Variants in ABLIM3 observed in about 807,000 individuals in gnomAD.
The protein encoded by ABLIM3 is actin binding LIM protein family member 3.
A neutral mutation model predicts 109.5 loss-of-function variants in ABLIM3; 61 were observed. The observed-to-expected ratio is 0.56, with a 90% confidence interval of 0.45 to 0.69. ABLIM3 has a LOEUF of 0.69. ABLIM3 is among the 30% of genes least tolerant of loss of function. The pLI is 0.00. For synonymous variants in ABLIM3, 300 were observed against 324.8 expected (o/e 0.92, Z 0.82); for missense variants, 796 against 889.5 (o/e 0.89, Z 1.34).
At chr5:149,175,372 C>T (rs1755831351) in intron 2 of ABLIM3, among the ~76,000 whole-genome samples, 3 of 152,128 alleles carry the variant, frequency 2.0e-5, no homozygotes, top group African/African-American at 7.2e-5. Flanking sequence ...AATCCTGTCC[C>T]TTTAGAAGAA....
At chr5:149,174,713 G>C (rs1755765660) in intron 2 of ABLIM3, 1 of 152,192 alleles carries the variant, frequency 6.6e-6, no homozygotes, top group Non-Finnish European at 1.5e-5. Flanking sequence ...AGGCCTTGAT[G>C]GAACACCCTC....
intron 16 of ABLIM3, 109 bp downstream of exon 16, chr5:149,245,124 C>T: frequency 7.0e-7 from 1 of 1,422,744 alleles, no homozygotes; most frequent in Non-Finnish European, 9.6e-7. Flanking sequence ...AATAAGAGTG[C>T]TTAGAGGGTT....
chr5:149,247,643 A>AGGTGGGAGGG, intron 17 of ABLIM3, 139 bp from the exon 18 acceptor site: 1 of 1,090,730 alleles, frequency 9.2e-7, no homozygotes, highest in South Asian at 1.3e-5. Context: ...GGGTGCCACA[A>AGGTGGGAGGG]GGTGGGAGGG....
At chr5:149,237,697 A>T in intron 11 of ABLIM3, 94 bp downstream of exon 11, 1 of 1,513,848 alleles carries the variant, frequency 6.6e-7, no homozygotes, top group African/African-American at 1.4e-5. Flanking sequence ...TTTGGCCTCC[A>T]CAATGCTGGC....
At chr5:149,209,928 T>G (rs1759375115) in intron 6 of ABLIM3, among the ~76,000 whole-genome samples, 3 of 152,224 alleles carry the variant, frequency 2.0e-5, no homozygotes, top group Non-Finnish European at 4.4e-5. Context: ...GTGCCTCTCC[T>G]TTAGGTCTCT....
rs770527985 is a variant in ABLIM3, at chr5:149,240,664, T to G, written c.1205-12T>G. ...TCTGTTTTCTTTGGCGACCACTTCC[T>G]GCGTGCTCCAGGGCCCGAGAGTGGC... On this transcript the variant is annotated splice_polypyrimidine_tract_variant and intron_variant, in intron 13 of 23. Coordinates refer to ENST00000309868, the MANE Select transcript of ABLIM3 (RefSeq NM_014945.5). The G allele has an allele frequency of 6.2e-7, 1 of 1,611,650 alleles. No homozygotes were observed. The highest frequency in any genetic ancestry group is 8.5e-7 in the Non-Finnish European group (1 of 1,178,074).
At chr5:149,206,917 T>G in intron 5 of ABLIM3, 91 bp from the exon 6 acceptor site, 1 of 1,518,518 alleles carries the variant, frequency 6.6e-7, no homozygotes, top group Admixed American at 1.9e-5. Flanking sequence ...AACACTGGCA[T>G]TCAGGGAGGG....
intron 2 of ABLIM3, among the ~76,000 whole-genome samples, chr5:149,147,261 G>GT (rs562609722): frequency 6.6e-6 from 1 of 152,130 alleles, no homozygotes; most frequent in Non-Finnish European, 1.5e-5. Context: ...TGAAGTCATA[G>GT]TTTTTATCAT....
In ABLIM3 at chr5:149,231,679, A is replaced by C. The variant is rs575531512; in HGVS notation, c.816+972A>C. 2.6e-5 allele frequency among the ~76,000 whole-genome samples: 4 copies of C among 152,282 alleles called. 1 individual carries two copies. In the South Asian group the frequency reaches 8.3e-4, roughly 32 times the overall value. On this transcript the variant is annotated intron_variant, in intron 9 of 23. Coordinates refer to ENST00000309868, the MANE Select transcript of ABLIM3 (RefSeq NM_014945.5). ...TTCTTGCAAGACCCTCTCCCATTTA[A>C]GGTATAAGACCTAATTGTCCCTTTC...
At position 149,242,536 on chromosome 5, in the gene ABLIM3, A is replaced by G. The variant is rs757971034; in HGVS notation, c.1349A>G (p.His450Arg). The G allele has an allele frequency of 2.5e-6, 4 of 1,614,064 alleles. No homozygotes were observed. Among genetic ancestry groups the G allele is most frequent in the Non-Finnish European group, 3.4e-6 (4 of 1,179,992 alleles). Residue 450 changes from histidine to arginine, a missense_variant and splice_region_variant, in exon 15 of 24, where the codon CAT (histidine) becomes CGT (arginine). Coordinates refer to ENST00000309868, the MANE Select transcript of ABLIM3 (RefSeq NM_014945.5). The part of the protein sequence containing the change: ...IYRKPPIYKR[H>R]GDLSTATKSK... ...CGGAAACCCCCGATCTACAAACGGC[A>G]TGGTATGGTCAGAGGTAGATAGGGC...
chr5:149,183,433 C>G lies in ABLIM3; in HGVS notation c.14-19C>G. The stretch of plus-strand genomic sequence containing the variant: ...AGAATCAGGGCCTCTGGATAGTGAT[C>G]TCTTTGTTTCTTTTACAGTTCCTTA... On this transcript the variant is annotated intron_variant, in intron 2 of 23. Coordinates refer to ENST00000309868, the MANE Select transcript of ABLIM3 (RefSeq NM_014945.5). 6.6e-7 allele frequency: 1 copy of G among 1,503,912 alleles called. No homozygotes were observed. The highest frequency in any genetic ancestry group is 8.9e-7 in the Non-Finnish European group (1 of 1,124,784). The allele number at this position is 1,503,912 out of a possible 1,614,324, so 93.2% of individuals were successfully genotyped here.
intron 2 of ABLIM3, among the ~76,000 whole-genome samples, chr5:149,148,447 T>G (rs1357921821): frequency 6.6e-6 from 1 of 152,196 alleles, no homozygotes; most frequent in African/African-American, 2.4e-5. Context: ...GGCCAATCAT[T>G]GCCACTTTGT....
intron 13 of ABLIM3, 194 bp from the exon 14 acceptor site, chr5:149,240,482 C>G (rs2127559083): frequency 3.4e-6 from 2 of 593,616 alleles, no homozygotes; most frequent in Non-Finnish European, 3.0e-6. Flanking sequence ...GAAGCAAAGT[C>G]AAGCTTGTTT....
intron 7 of ABLIM3, among the ~76,000 whole-genome samples, chr5:149,211,171 A>ATTTATTTAT (rs565539955): frequency 2.3e-4 from 35 of 149,568 alleles, no homozygotes; most frequent in Non-Finnish European, 4.2e-4. Flanking sequence ...TATTTATTTA[A>ATTTATTTAT]TTATTTATTT....
chr5:149,183,271 G>A (rs1483231409), intron 2 of ABLIM3, among the ~76,000 whole-genome samples, 181 bp from the exon 3 acceptor site: 3 of 152,214 alleles, frequency 2.0e-5, no homozygotes, highest in Non-Finnish European at 4.4e-5. Context: ...CTATGGACAT[G>A]TCTCATACCA....
At chr5:149,168,084 A>G (rs994779730) in intron 2 of ABLIM3, among the ~76,000 whole-genome samples, 6 of 152,170 alleles carry the variant, frequency 3.9e-5, no homozygotes, top group African/African-American at 1.4e-4. Context: ...ATTTGTGACA[A>G]CCAAAAATGT....
intron 3 of ABLIM3, among the ~76,000 whole-genome samples, chr5:149,195,274 C>T (rs979615763): frequency 8.5e-5 from 13 of 152,206 alleles, no homozygotes; most frequent in African/African-American, 1.4e-4. Flanking sequence ...TGTTCACTGA[C>T]GCATTCTGGG....
At position 149,239,901 on chromosome 5, in the gene ABLIM3, G is replaced by A. The variant is rs772752973; in HGVS notation, c.1204+13G>A. The A allele has an allele frequency of 1.9e-6, 3 of 1,597,124 alleles. No individual in the cohort carries two copies. Among genetic ancestry groups the A allele is most frequent in the South Asian group, 2.2e-5 (2 of 89,000 alleles). ...TACTACCGCTCTGGTAAGGAAGGGG[G>A]AGGACCTGAAGGGAGAGGAAGAGCC... On this transcript the variant is annotated intron_variant, in intron 13 of 23. Coordinates refer to ENST00000309868, the MANE Select transcript of ABLIM3 (RefSeq NM_014945.5).
intron 4 of ABLIM3, among the ~76,000 whole-genome samples, chr5:149,199,396 T>G (rs1758292036): frequency 6.6e-6 from 1 of 152,138 alleles, no homozygotes; most frequent in African/African-American, 2.4e-5. Context: ...TAAGAAAACA[T>G]AATCCCCTCG....
Sources: gnomAD v4.1 joint callset for allele counts (sites outside exome capture counted in the v4.1 genomes callset) on GRCh38, gnomAD v4.1.1 for gene constraint, MANE v1.5 for transcripts, NCBI Gene and HGNC (gene_info 2026-07-23, HGNC 2026-07-21) for gene names.